Variants in TBC1D22A observed in about 807,000 individuals in gnomAD.
TBC1D22A encodes the protein TBC1 domain family member 22A.
In TBC1D22A, 38 loss-of-function variants were observed where a neutral mutation model predicts 60.2. The ratio of observed to expected loss-of-function variants is 0.63; its 90% confidence interval spans 0.49 to 0.83. The LOEUF (loss-of-function observed/expected upper bound fraction) is 0.83, where lower values mean the gene tolerates loss of function less well. TBC1D22A is among the 40% of genes least tolerant of loss of function. TBC1D22A has a pLI of 0.00. For missense variants in TBC1D22A, 628 were observed against 701.0 expected (o/e 0.90, Z 1.18); for synonymous variants, 302 against 281.7 (o/e 1.07, Z -0.72).
At chr22:46,851,090 C>T (rs1017255112) in intron 4 of TBC1D22A, among the ~76,000 whole-genome samples, 3 of 152,102 alleles carry the variant, frequency 2.0e-5, no homozygotes, top group Non-Finnish European at 4.4e-5. Flanking sequence ...CACAGGTCTG[C>T]ATATACTGGA....
chr22:46,909,716 G>T (rs1011309136), intron 7 of TBC1D22A, among the ~76,000 whole-genome samples: 2 of 152,182 alleles, frequency 1.3e-5, no homozygotes, highest in African/African-American at 4.8e-5. Context: ...CCTTTTGGGG[G>T]CTCAGAGGCC....
chr22:46,841,319 C>T, intron 4 of TBC1D22A, among the ~76,000 whole-genome samples: 1 of 152,186 alleles, frequency 6.6e-6, no homozygotes, highest in Non-Finnish European at 1.5e-5. Context: ...GACATTTGTC[C>T]CTTTTGGCCG....
Position 46,956,738 on chromosome 22 carries a change from G to A in TBC1D22A, c.1016-17552G>A, listed in dbSNP as rs183129371. On this transcript the variant is annotated intron_variant, in intron 8 of 12. Coordinates refer to ENST00000337137, the MANE Select transcript of TBC1D22A (RefSeq NM_014346.5). Reference sequence around the variant, plus strand: ...CAGCGTGGCAGTGGTGGTACACACAGGCCACTGTGAGATGGCCGAGGGGTG... The same window carrying A: ...CAGCGTGGCAGTGGTGGTACACACAAGCCACTGTGAGATGGCCGAGGGGTG... Among the ~76,000 whole-genome samples, 417 of 152,362 alleles carry A rather than the reference G, an allele frequency of 2.7e-3. 2 individuals carry two copies. The highest frequency in any genetic ancestry group is 9.0e-3 in the African/African-American group (375 of 41,582).
chr22:46,943,869 A>T (rs1488999138), intron 8 of TBC1D22A, among the ~76,000 whole-genome samples: 1 of 152,156 alleles, frequency 6.6e-6, no homozygotes, highest in Non-Finnish European at 1.5e-5. Flanking sequence ...GTTCGCCGGT[A>T]TTGTAGCACG....
intron 1 of TBC1D22A, chr22:46,763,207 C>T (rs1370196935): frequency 7.8e-6 from 2 of 257,446 alleles, no homozygotes; most frequent in Non-Finnish European, 1.5e-5. Context: ...GGGCTGAGGC[C>T]CCCCGTCTGC....
chr22:47,130,435 C>T (rs1261213696), intron 12 of TBC1D22A, among the ~76,000 whole-genome samples: 3 of 152,172 alleles, frequency 2.0e-5, no homozygotes, highest in Admixed American at 2.0e-4. Context: ...CTGGCAGGGA[C>T]CTACCTTGAG....
intron 8 of TBC1D22A, among the ~76,000 whole-genome samples, chr22:46,927,759 A>T (rs565110547): frequency 7.9e-5 from 12 of 152,354 alleles, no homozygotes; most frequent in African/African-American, 2.4e-4. Flanking sequence ...GATCAAGATT[A>T]AAAAATCGGT....
At chr22:47,171,751 G>A (rs188163616) in intron 12 of TBC1D22A, among the ~76,000 whole-genome samples, 1 of 147,532 alleles carries the variant, frequency 6.8e-6, no homozygotes, top group Non-Finnish European at 1.5e-5. Context: ...CGGTGGTCGT[G>A]GGGGGTCCCC....
chr22:46,878,767 C>T (rs769991384), intron 5 of TBC1D22A, 44 bp downstream of exon 5: 13 of 1,588,456 alleles, frequency 8.2e-6, no homozygotes, highest in Non-Finnish European at 9.5e-6. Context: ...TTCCTGTGCA[C>T]AGGGACTGCA....
chr22:46,938,200 G>A (rs567156241), intron 8 of TBC1D22A, among the ~76,000 whole-genome samples: 22 of 152,276 alleles, frequency 1.4e-4, no homozygotes, highest in Admixed American at 1.3e-3. Flanking sequence ...CCTTAGACAG[G>A]TGTACAGTTT....
At chr22:47,105,085 A>C (rs2065583461) in intron 11 of TBC1D22A, among the ~76,000 whole-genome samples, 1 of 152,058 alleles carries the variant, frequency 6.6e-6, no homozygotes, top group African/African-American at 2.4e-5. Context: ...GGCCATGGTC[A>C]CTCATATTTG....
chr22:46,796,025 G>A (rs2084635017), intron 3 of TBC1D22A, among the ~76,000 whole-genome samples: 1 of 152,194 alleles, frequency 6.6e-6, no homozygotes, highest in African/African-American at 2.4e-5. Context: ...GGCCGGCAGC[G>A]GAAACTCTGG....
chr22:47,126,608 G>A (rs74343041), intron 12 of TBC1D22A, among the ~76,000 whole-genome samples: 1 of 152,264 alleles, frequency 6.6e-6, no homozygotes, highest in African/African-American at 2.4e-5. Flanking sequence ...AGGGCGGAGG[G>A]AGTGACCCCT....
rs377704046 is a variant in TBC1D22A, at chr22:46,902,068, C to T, written c.900+7222C>T. 6.4e-4 allele frequency among the ~76,000 whole-genome samples: 98 copies of T among 152,324 alleles called. 1 individual carries two copies. Among genetic ancestry groups the T allele is most frequent in the African/African-American group, 2.1e-3 (87 of 41,562 alleles). On this transcript the variant is annotated intron_variant, in intron 7 of 12. Transcript: ENST00000337137. ...GTTCTGGGCCTGCCTTGGAGGCATG[C>T]GGGGTGTTTGTTAGGTGGACACGGT...
chr22:47,065,660 A>AC (rs2063749919), intron 11 of TBC1D22A, among the ~76,000 whole-genome samples: 1 of 152,036 alleles, frequency 6.6e-6, no homozygotes, highest in African/African-American at 2.4e-5. Flanking sequence ...GGATTGAGGG[A>AC]GACCTGCGTG....
intron 8 of TBC1D22A, among the ~76,000 whole-genome samples, chr22:46,944,330 A>G (rs895445889): frequency 1.3e-5 from 2 of 152,212 alleles, no homozygotes; most frequent in East Asian, 1.9e-4. Context: ...CGGCAATTAC[A>G]TTTGATACTG....
chr22:46,962,285 A>G (rs1437057586), intron 8 of TBC1D22A, among the ~76,000 whole-genome samples: 1 of 152,238 alleles, frequency 6.6e-6, no homozygotes, highest in Non-Finnish European at 1.5e-5. Context: ...ACCAGACAAT[A>G]AAGAATGTGA....
In TBC1D22A at chr22:46,839,445, A is replaced by G. The variant is rs185302404; in HGVS notation, c.638-39208A>G. 1.0e-3 allele frequency among the ~76,000 whole-genome samples: 157 copies of G among 152,298 alleles called. 1 individual carries two copies. The highest frequency in any genetic ancestry group is 2.0e-3 in the Non-Finnish European group (133 of 68,022). On this transcript the variant is annotated intron_variant, in intron 4 of 12. Coordinates refer to ENST00000337137, the MANE Select transcript of TBC1D22A (RefSeq NM_014346.5). ...TTTAACAGTTGGTAAAAGGAAATAA[A>G]GAAGACACAAATAAATGGAAATATA...
intron 4 of TBC1D22A, among the ~76,000 whole-genome samples, chr22:46,858,521 C>T (rs112467352): frequency 2.3e-3 from 345 of 152,312 alleles, no homozygotes; most frequent in African/African-American, 8.0e-3. Flanking sequence ...CTTAGAGCTA[C>T]GTTTCATGTT....
Sources: allele counts gnomAD v4.1 joint callset (sites outside exome capture counted in the v4.1 genomes callset), GRCh38; gene constraint gnomAD v4.1.1; transcripts MANE v1.5; gene names NCBI Gene and HGNC (gene_info 2026-07-23, HGNC 2026-07-21).